BAIAP3: variants seen among roughly 807,000 people sequenced by gnomAD.
BAIAP3 encodes the protein BAI1-associated protein 3.
In BAIAP3, 180 loss-of-function variants were observed where a neutral mutation model predicts 149.7. The ratio of observed to expected loss-of-function variants is 1.20; its 90% CI spans 1.07 to 1.36. The LOEUF is 1.36. Ranked by LOEUF, BAIAP3 falls within the 40% of genes most tolerant of loss-of-function variation. The pLI is 0.00. For missense variants in BAIAP3, 1,767 were observed against 1,563.4 expected (o/e 1.13, Z -2.20); for synonymous variants, 845 against 670.7 (o/e 1.26, Z -4.02).
rs763936784 is a variant in BAIAP3 at position 1,342,197 on chromosome 16, G to A, written c.871G>A (p.Val291Ile). 1.0e-5 allele frequency: 16 copies of A among 1,606,378 alleles called. No individual in the cohort carries two copies. Among genetic ancestry groups the A allele is most frequent in the South Asian group, 2.2e-5 (2 of 90,654 alleles). ...GGTGGCCAGGTACTTCAAACAGATCGTCAAGTCAGCCCGCGCAAACGGGAC... is the reference window on the plus strand; with the variant it reads ...GGTGGCCAGGTACTTCAAACAGATCATCAAGTCAGCCCGCGCAAACGGGAC... ...KGMGRYFKQIVKSARANGTAG... is the reference protein window; with the variant it reads ...KGMGRYFKQIIKSARANGTAG... Residue 291 changes from valine to isoleucine, a missense_variant, in exon 11 of 34, where the codon GTC becomes ATC. Physicochemically the swap from Val to Ile is conservative, Grantham distance 29. Transcript: ENST00000426824.
chr16:1,346,505 G>A lies in BAIAP3; in HGVS notation c.2557G>A (p.Asp853Asn), dbSNP rs772048317. Residue 853 changes from aspartate (D) to asparagine (N), a missense_variant, in exon 26 of 34, where the codon GAT becomes AAT. Coordinates refer to ENST00000426824, the MANE Select transcript of BAIAP3 (RefSeq NM_001199097.2). ...ISLSPDSIQN[D>N]EAVAPLMKYL... ...TCTCTCGCCTGACTCCATCCAGAACGATGAGGTGAGTGCCGGGGCGAGGGG... is the reference window on the plus strand; with the variant it reads ...TCTCTCGCCTGACTCCATCCAGAACAATGAGGTGAGTGCCGGGGCGAGGGG... The A allele has an allele frequency of 2.0e-5, 33 of 1,610,728 alleles. No individual in the cohort carries two copies. In the East Asian group the frequency reaches 2.9e-4, roughly 14 times the overall value.
At position 1,348,869 on chromosome 16, in the gene BAIAP3, C is replaced by T. The variant is rs987299090; in HGVS notation, c.*387C>T. 40 of 333,056 alleles carry T rather than the reference C, an allele frequency of 1.2e-4. No homozygotes were observed. Among genetic ancestry groups the T allele is most frequent in the Non-Finnish European group, 2.1e-4 (37 of 177,030 alleles). The allele number at this position is 333,056 out of a possible 1,614,324, so 20.6% of individuals were successfully genotyped here. ...GTGGCTGTGCTCTCTGCACAACGGG[C>T]AATGTGCAGACGCATTTTTGGTAAT... On this transcript the variant is annotated 3_prime_UTR_variant, in exon 34 of 34. Transcript: ENST00000426824.
rs2034131360 is a variant in BAIAP3 at position 1,344,078 on chromosome 16, G to A, written c.1443G>A (p.Leu481=). The A allele has an allele frequency of 1.2e-6, 2 of 1,612,258 alleles. No homozygotes were observed. Among genetic ancestry groups the A allele is most frequent in the South Asian group, 1.1e-5 (1 of 91,090 alleles). The change falls in exon 16 of 34, where the codon CTG becomes CTA. Residue 481 remains leucine, a synonymous_variant. Transcript: ENST00000426824. ...TCTCTGAGTTCGGGCTGCAGCTGCT[G>A]CGCCAGCTCCGAGACTACTTCCCTG... ...SAFSEFGLQL[L]RQLRDYFPAT... is the part of the protein sequence containing the mutation.
At chr16:1,339,627 C>G (rs533648313) in intron 5 of BAIAP3, 24 bp downstream of exon 5, 2 of 1,570,826 alleles carry the variant, frequency 1.3e-6, no homozygotes, top group East Asian at 2.3e-5. Flanking sequence ...GACCCCGACC[C>G]AGACCCTGAC....
intron 3 of BAIAP3, 70 bp downstream of exon 3, chr16:1,339,059 C>T: frequency 6.2e-7 from 1 of 1,602,492 alleles, no homozygotes; most frequent in East Asian, 2.2e-5. Context: ...CCTCCCCGCT[C>T]CCTCCTGCCC....
In BAIAP3 at chr16:1,333,655, G is replaced by A. The variant is rs1567153169; in HGVS notation, c.-105G>A. Reference sequence around the variant, plus strand: ...GCCCAGCAGTTGCTCAGTCGTCGGCGCGCGCGGCTGGGAGCGGTAGCTGTG... The same window carrying A: ...GCCCAGCAGTTGCTCAGTCGTCGGCACGCGCGGCTGGGAGCGGTAGCTGTG... On this transcript the variant is annotated 5_prime_UTR_variant, in exon 1 of 34. Coordinates refer to ENST00000426824, the MANE Select transcript of BAIAP3 (RefSeq NM_001199097.2). 1 of 151,736 alleles carries A rather than the reference G, an allele frequency of 6.6e-6. No homozygotes were observed. The highest frequency in any genetic ancestry group is 1.5e-5 in the Non-Finnish European group (1 of 67,908). 9.4% of individuals were successfully genotyped at this position (151,736 alleles called of 1,614,324 possible). A position where few individuals can be genotyped will look rare whatever the true frequency, so the allele number is the denominator to read the frequency against.
In BAIAP3 at chr16:1,345,859, AG is replaced by A; in HGVS notation, c.2179del (p.Ala727LeufsTer38). 6.3e-7 allele frequency: 1 copy of A among 1,579,350 alleles called. No individual in the cohort carries two copies. ...CGCCTGGCGTGGCCTGACCCTGCCC[AG>A]GCTCAGGGGCTGGGCACCCAGCTTG... ...WVRLAWPDPAQAQGLGTQLGQ... is the reference protein window; with the variant it reads ...WVRLAWPDPAXAQGLGTQLGQ... On this transcript the variant is annotated frameshift_variant, in exon 23 of 34. Coordinates refer to ENST00000426824, the MANE Select transcript of BAIAP3 (RefSeq NM_001199097.2). LOFTEE classifies it high-confidence loss of function.
Position 1,339,622 on chromosome 16 carries a change from C to CGACCCA in BAIAP3, c.408+25_408+30dup, listed in dbSNP as rs1410443456. ...CCAGCAGGTCAGCCCACCCTGACCC[C>CGACCCA]GACCCAGACCCTGACAGCTTCCCCA... On this transcript the variant is annotated intron_variant, in intron 5 of 33. Coordinates refer to ENST00000426824, the MANE Select transcript of BAIAP3 (RefSeq NM_001199097.2). 2 of 1,587,678 alleles carry CGACCCA rather than the reference C, an allele frequency of 1.3e-6. No individual in the cohort carries two copies. The highest frequency in any genetic ancestry group is 2.7e-5 in the African/African-American group (2 of 74,500).
At position 1,342,827 on chromosome 16, in the gene BAIAP3, C is replaced by G; in HGVS notation, c.1161+13C>G. The G allele has an allele frequency of 6.2e-7, 1 of 1,612,614 alleles. No individual in the cohort carries two copies. Among genetic ancestry groups the G allele is most frequent in the East Asian group, 2.2e-5 (1 of 44,876 alleles). ...CTCAGCAGAGGAGGTAGTGGGTGCG[C>G]CTAGGATTGGAACAGCCCGGCAGGG... On this transcript the variant is annotated intron_variant, in intron 13 of 33. Transcript: ENST00000426824.
rs555416824 is a variant in BAIAP3 at position 1,338,687 on chromosome 16, G to A, written c.131+7G>A. 5 of 1,572,758 alleles carry A rather than the reference G, an allele frequency of 3.2e-6. No individual in the cohort carries two copies. The highest frequency in any genetic ancestry group is 4.7e-5 in the East Asian group (2 of 42,936). ...AGCCTGCCACGGGGGCCTGGTGGGTGCCGAGGGGCCCAGCCCCACACGCCC... is the reference window on the plus strand; with the variant it reads ...AGCCTGCCACGGGGGCCTGGTGGGTACCGAGGGGCCCAGCCCCACACGCCC... On this transcript the variant is annotated splice_region_variant and intron_variant, in intron 2 of 33. Coordinates refer to ENST00000426824, the MANE Select transcript of BAIAP3 (RefSeq NM_001199097.2).
chr16:1,348,585 C>T lies in BAIAP3; in HGVS notation c.*103C>T. ...TTGTGCAACCAGGGCCCACGGCGCC[C>T]CTCCTGTGCTGTGACGTGTGTGTCG... On this transcript the variant is annotated 3_prime_UTR_variant, in exon 34 of 34. Coordinates refer to ENST00000426824, the MANE Select transcript of BAIAP3 (RefSeq NM_001199097.2). 8.6e-7 allele frequency: 1 copy of T among 1,161,128 alleles called. No individual in the cohort carries two copies. The highest frequency in any genetic ancestry group is 1.2e-6 in the Non-Finnish European group (1 of 805,068). 71.9% of individuals were successfully genotyped at this position (1,161,128 alleles called of 1,614,324 possible). A position where few individuals can be genotyped will look rare whatever the true frequency, so the allele number is the denominator to read the frequency against.
chr16:1,341,812 C>T lies in BAIAP3; in HGVS notation c.732-10C>T, dbSNP rs369603969. On this transcript the variant is annotated splice_polypyrimidine_tract_variant and intron_variant, in intron 8 of 33. Transcript: ENST00000426824. ...GGGGACCCTCATGGGCATCTCTGTT[C>T]TCCTTGTAGCGAGATTGAGGATGTG... The T allele has an allele frequency of 3.0e-5, 49 of 1,612,018 alleles. No homozygotes were observed. In the African/African-American group the frequency reaches 5.5e-4, roughly 18 times the overall value.
Position 1,349,127 on chromosome 16 carries a change from C to T in BAIAP3, c.*645C>T. On this transcript the variant is annotated 3_prime_UTR_variant, in exon 34 of 34. Coordinates refer to ENST00000426824, the MANE Select transcript of BAIAP3 (RefSeq NM_001199097.2). Reference sequence around the variant, plus strand: ...CCGTGCCAACTGGTCAGCTGTCCTTCACGCACATATCCGTGGCCACCTGAG... The same window carrying T: ...CCGTGCCAACTGGTCAGCTGTCCTTTACGCACATATCCGTGGCCACCTGAG... 1 of 429,230 alleles carries T rather than the reference C, an allele frequency of 2.3e-6. No individual in the cohort carries two copies. Among genetic ancestry groups the T allele is most frequent in the Non-Finnish European group, 4.3e-6 (1 of 232,334 alleles). 26.6% of individuals were successfully genotyped at this position (429,230 alleles called of 1,614,324 possible).
At position 1,348,195 on chromosome 16, in the gene BAIAP3, G is replaced by A. The variant is rs1488333311; in HGVS notation, c.3249G>A (p.Ala1083=). 6.2e-6 allele frequency: 10 copies of A among 1,609,010 alleles called. No individual in the cohort carries two copies. Among genetic ancestry groups the A allele is most frequent in the South Asian group, 2.2e-5 (2 of 91,040 alleles). Residue 1083 remains alanine, a synonymous_variant, in exon 33 of 34, where the codon GCG becomes GCA. Coordinates refer to ENST00000426824, the MANE Select transcript of BAIAP3 (RefSeq NM_001199097.2). ...CCACCAACGACTTCGCTGGGGAGGC[G>A]GCCCTCGGCCTAGGTGGCGTCACTG... The part of the protein sequence containing the change: ...WLSTNDFAGE[A]ALGLGGVTGV...
chr16:1,343,251 G>A (rs530336730), intron 14 of BAIAP3, 142 bp from the exon 15 acceptor site: 22 of 1,310,496 alleles, frequency 1.7e-5, no homozygotes, highest in Non-Finnish European at 2.0e-5. Flanking sequence ...CTAATTGGAG[G>A]GCAGGGAAAG....
intron 1 of BAIAP3, among the ~76,000 whole-genome samples, chr16:1,338,033 G>A (rs978599563): frequency 2.0e-5 from 3 of 152,206 alleles, no homozygotes; most frequent in South Asian, 2.1e-4. Context: ...GGGTTCTGGC[G>A]AGTTTTTACC....
chr16:1,346,947 A>C lies in BAIAP3; in HGVS notation c.2743A>C (p.Thr915Pro). ...SADFYSRFHFTLEALVSFFHA... is the reference protein window; with the variant it reads ...SADFYSRFHFPLEALVSFFHA... ...TGATTTCTACAGCCGCTTCCATTTC[A>C]CGCTGGAGGTAGAGCTCTGTGAAGG... The change falls in exon 28 of 34, where the codon ACG becomes CCG. Residue 915 changes from threonine (T) to proline (P), a missense_variant. Coordinates refer to ENST00000426824, the MANE Select transcript of BAIAP3 (RefSeq NM_001199097.2). 1 of 1,609,076 alleles carries C rather than the reference A, an allele frequency of 6.2e-7. No individual in the cohort carries two copies. Among genetic ancestry groups the C allele is most frequent in the Middle Eastern group, 1.7e-4 (1 of 6,050 alleles).
chr16:1,347,686 C>T lies in BAIAP3; in HGVS notation c.2905-15C>T. ...GGCTCCCAGAGCCCAGCTGCGCTCA[C>T]CCGCCTTTCCGCAGAGGACCCTGGA... On this transcript the variant is annotated splice_polypyrimidine_tract_variant and intron_variant, in intron 30 of 33. Transcript: ENST00000426824. 1 of 1,611,558 alleles carries T rather than the reference C, an allele frequency of 6.2e-7. No homozygotes were observed. The highest frequency in any genetic ancestry group is 1.3e-5 in the African/African-American group (1 of 75,032).
intron 9 of BAIAP3, 47 bp downstream of exon 9, chr16:1,341,913 G>A (rs578255907): frequency 1.2e-6 from 2 of 1,600,258 alleles, no homozygotes; most frequent in East Asian, 4.5e-5. Context: ...CACACCTTTT[G>A]CGGGGGAGCA....
Sources: allele counts gnomAD v4.1 joint callset (sites outside exome capture counted in the v4.1 genomes callset), GRCh38; gene constraint gnomAD v4.1.1; transcripts MANE v1.5; gene names NCBI Gene and HGNC (gene_info 2026-07-23, HGNC 2026-07-21).